NAA25: variants seen among roughly 807,000 people sequenced by gnomAD.
NAA25 encodes the protein N-terminal acetyltransferase B complex subunit NAA25.
In NAA25, 30 loss-of-function variants were observed where a neutral mutation model predicts 132.5. That is an observed-to-expected ratio of 0.23 (90% CI 0.17 to 0.31). NAA25 has a LOEUF of 0.31. NAA25 is among the 10% of genes least tolerant of loss of function. The probability of loss-of-function intolerance (pLI) is 1.00; values close to 1 mark genes in which losing one functional copy is unlikely to be tolerated. For missense variants in NAA25, 771 were observed against 1,150.4 expected (o/e 0.67, Z 4.77); for synonymous variants, 359 against 401.9 (o/e 0.89, Z 1.28).
intron 3 of NAA25, 71 bp from the exon 4 acceptor site, chr12:112,087,872 T>C: frequency 1.9e-6 from 2 of 1,027,812 alleles, no homozygotes; most frequent in Non-Finnish European, 3.0e-6. Context: ...GTTCTTCCTA[T>C]TTGGCAGAAA....
At chr12:112,090,973 T>C in intron 2 of NAA25, 109 bp from the exon 3 acceptor site, 2 of 1,095,472 alleles carry the variant, frequency 1.8e-6, no homozygotes, top group Admixed American at 2.5e-5. Flanking sequence ...AGGTTGCTGA[T>C]ATACTAGTTT....
intron 1 of NAA25, among the ~76,000 whole-genome samples, chr12:112,100,033 T>C (rs1229020096): frequency 6.6e-6 from 1 of 152,224 alleles, no homozygotes; most frequent in Non-Finnish European, 1.5e-5. Context: ...TTACCATGAA[T>C]ACAAATTACA....
chr12:112,082,875 G>A (rs1375606782), intron 4 of NAA25, among the ~76,000 whole-genome samples: 2 of 152,052 alleles, frequency 1.3e-5, no homozygotes, highest in Non-Finnish European at 2.9e-5. Context: ...CGCGAAGTAG[G>A]AGAAAAATGA....
intron 10 of NAA25, among the ~76,000 whole-genome samples, chr12:112,069,376 T>C (rs2078769068): frequency 6.6e-6 from 1 of 151,982 alleles, no homozygotes; most frequent in Non-Finnish European, 1.5e-5. Context: ...TGGCAGCACA[T>C]GCTTGTAATC....
At chr12:112,050,650 C>G (rs1344521005) in intron 15 of NAA25, among the ~76,000 whole-genome samples, 1 of 151,860 alleles carries the variant, frequency 6.6e-6, no homozygotes, top group Non-Finnish European at 1.5e-5. Flanking sequence ...TCCCAAGTAG[C>G]TGGAATTACA....
intron 22 of NAA25, among the ~76,000 whole-genome samples, chr12:112,038,668 C>T (rs964877585): frequency 1.3e-5 from 2 of 152,078 alleles, no homozygotes; most frequent in Non-Finnish European, 2.9e-5. Context: ...GAAGAATTGT[C>T]TTGGGCCACA....
chr12:112,091,250 A>G (rs954906115), intron 2 of NAA25, among the ~76,000 whole-genome samples: 12 of 152,016 alleles, frequency 7.9e-5, no homozygotes, highest in African/African-American at 2.7e-4. Flanking sequence ...TCTCGAAAAA[A>G]AAAAAAAAAG....
chr12:112,069,699 A>T (rs1470169693), intron 10 of NAA25, among the ~76,000 whole-genome samples: 2 of 151,822 alleles, frequency 1.3e-5, no homozygotes, highest in Admixed American at 1.3e-4. Flanking sequence ...GTGCACCTGT[A>T]ATCCCAGCTA....
intron 19 of NAA25, among the ~76,000 whole-genome samples, chr12:112,042,688 G>T (rs570018158): frequency 4.6e-5 from 7 of 152,230 alleles, no homozygotes. Flanking sequence ...TGTATTTTTA[G>T]TAGACACGGG....
intron 21 of NAA25, 147 bp from the exon 22 acceptor site, chr12:112,039,486 T>C: frequency 1.8e-6 from 1 of 557,334 alleles, no homozygotes; most frequent in Non-Finnish European, 3.2e-6. Flanking sequence ...CTCTACTTTC[T>C]GCAATCACTC....
At position 112,029,339 on chromosome 12, in the gene NAA25, C is replaced by A; in HGVS notation, c.*192G>T. On this transcript the variant is annotated 3_prime_UTR_variant, in exon 24 of 24. Transcript: ENST00000261745. ...TGGTCAAACCCAGATGAGGGTCCCG[C>A]TTCTGGTTTATATACAATAATTTAA... 1.2e-6 allele frequency: 1 copy of A among 845,276 alleles called. No individual in the cohort carries two copies. The highest frequency in any genetic ancestry group is 2.2e-5 in the South Asian group (1 of 44,990). 52.4% of individuals were successfully genotyped at this position (845,276 alleles called of 1,614,324 possible). A position where few individuals can be genotyped will look rare whatever the true frequency, so the allele number is the denominator to read the frequency against.
intron 11 of NAA25, among the ~76,000 whole-genome samples, chr12:112,063,722 A>T (rs12230218): frequency 0.072 from 10,947 of 152,278 alleles, 1,499 homozygotes; most frequent in East Asian, 0.61. Flanking sequence ...CACCAATAGG[A>T]TAAGACTATA....
At chr12:112,060,069 A>G (rs1231207554) in intron 13 of NAA25, among the ~76,000 whole-genome samples, 1 of 152,202 alleles carries the variant, frequency 6.6e-6, no homozygotes, top group African/African-American at 2.4e-5. Flanking sequence ...TCAGCCTCCC[A>G]AAGTGCTAGG....
intron 10 of NAA25, among the ~76,000 whole-genome samples, chr12:112,070,124 T>G (rs1373804978): frequency 6.6e-6 from 1 of 152,140 alleles, no homozygotes; most frequent in Non-Finnish European, 1.5e-5. Flanking sequence ...GGAGACACTG[T>G]CTCAAAAATA....
Position 112,083,531 on chromosome 12 carries a change from GA to G in NAA25, c.403-2398del, listed in dbSNP as rs949714217. On this transcript the variant is annotated intron_variant, in intron 4 of 23. Coordinates refer to ENST00000261745, the MANE Select transcript of NAA25 (RefSeq NM_024953.4). ...GACAAGAGTGAAACCCCATCTCAAA[GA>G]AAAAAAAAAGATACAGCAGCGGCAG... Among the ~76,000 whole-genome samples the G allele has an allele frequency of 9.7e-5, 14 of 144,314 alleles. No homozygotes were observed. The South Asian group carries it at 1.5e-3, about 16-fold the overall frequency. The allele number at this position is 144,314 out of a possible 152,430, so 94.7% of individuals were successfully genotyped here. A position where few individuals can be genotyped will look rare whatever the true frequency, so the allele number is the denominator to read the frequency against.
At chr12:112,099,547 C>T (rs889724903) in intron 1 of NAA25, among the ~76,000 whole-genome samples, 12 of 152,046 alleles carry the variant, frequency 7.9e-5, no homozygotes, top group South Asian at 2.1e-4. Flanking sequence ...GGTAAAAGAA[C>T]GATAGAAATT....
At chr12:112,100,665 G>T (rs181166937) in intron 1 of NAA25, among the ~76,000 whole-genome samples, 210 of 141,120 alleles carry the variant, frequency 1.5e-3, no homozygotes, top group African/African-American at 5.5e-3. Flanking sequence ...TGTTGCCCAG[G>T]CTGGAGTGCA....
chr12:112,053,491 T>A (rs2078496589), intron 15 of NAA25, 67 bp downstream of exon 15: 1 of 1,138,612 alleles, frequency 8.8e-7, no homozygotes, highest in South Asian at 1.3e-5. Context: ...TGACATGTGG[T>A]GACGTGCTCC....
intron 2 of NAA25, among the ~76,000 whole-genome samples, chr12:112,091,181 G>A (rs1423641819): frequency 2.6e-5 from 4 of 151,596 alleles, no homozygotes; most frequent in African/African-American, 7.3e-5. Context: ...AGGACTCCTC[G>A]AGCCCGGGAG....
Sources: allele counts gnomAD v4.1 joint callset (sites outside exome capture counted in the v4.1 genomes callset), GRCh38; gene constraint gnomAD v4.1.1; transcripts MANE v1.5; gene names NCBI Gene and HGNC (gene_info 2026-07-23, HGNC 2026-07-21).